CFI: variants seen among roughly 807,000 people sequenced by gnomAD.
The protein encoded by CFI is C3B/C4B inactivator.
A neutral mutation model predicts 78.8 loss-of-function variants in CFI; 66 were observed. The observed-to-expected ratio is 0.84, with a 90% CI of 0.69 to 1.03. The LOEUF (loss-of-function observed/expected upper bound fraction) is 1.03. Ranked by LOEUF, CFI falls within the 50% of genes least tolerant of loss-of-function variation. The pLI is 0.00. For missense variants in CFI, 706 were observed against 704.5 expected, an observed-to-expected ratio of 1.00 and a Z score of -0.02; for synonymous variants, 250 against 232.6, an observed-to-expected ratio of 1.07 and a Z score of -0.68.
chr4:109,745,829 AT>A (rs953566802), intron 11 of CFI, among the ~76,000 whole-genome samples: 66 of 152,086 alleles, frequency 4.3e-4, no homozygotes, highest in South Asian at 2.1e-3. Context: ...CTGTCTCTAT[AT>A]TTTTTTCTTG....
chr4:109,760,476 G>A, intron 5 of CFI, 47 bp downstream of exon 5: 3 of 1,482,866 alleles, frequency 2.0e-6, no homozygotes, highest in Non-Finnish European at 9.4e-7. Flanking sequence ...TCCTCTTTTA[G>A]TCAGAAAAAT....
intron 1 of CFI, among the ~76,000 whole-genome samples, chr4:109,775,570 G>C: frequency 6.6e-6 from 1 of 152,202 alleles, no homozygotes; most frequent in African/African-American, 2.4e-5. Context: ...CCACCTCTGG[G>C]GGCAGGGCAT....
At chr4:109,770,957 GA>G (rs1728509807) in intron 1 of CFI, among the ~76,000 whole-genome samples, 1 of 152,190 alleles carries the variant, frequency 6.6e-6, no homozygotes, top group African/African-American at 2.4e-5. Flanking sequence ...TGTTACTGAG[GA>G]ATCTGTTGTA....
chr4:109,741,175 C>T, intron 12 of CFI, 65 bp from the exon 13 acceptor site: 8 of 1,609,276 alleles, frequency 5.0e-6, no homozygotes, highest in Non-Finnish European at 6.8e-6. Flanking sequence ...TGCCATGCCT[C>T]CTCCATGGCA....
At position 109,783,818 on chromosome 4, in the gene CFI, T is replaced by C. The variant is rs1044172377; in HGVS notation, c.58-16994A>G. ...GAGTGGATAAAGAAACTGTGATATA[T>C]ATATATATATATATATGATGGAATA... On this transcript the variant is annotated intron_variant, in intron 1 of 12. Coordinates refer to ENST00000394634, the MANE Select transcript of CFI (RefSeq NM_000204.5). Among the ~76,000 whole-genome samples, 2 of 136,444 alleles carry C rather than the reference T, an allele frequency of 1.5e-5. 1 individual carries two copies. The highest frequency in any genetic ancestry group is 1.6e-4 in the Admixed American group (2 of 12,806). The allele number at this position is 136,444 out of a possible 152,430, so 89.5% of individuals were successfully genotyped here.
At chr4:109,734,600 G>A in the CFI span, among the ~76,000 whole-genome samples, 1 of 152,096 alleles carries the variant, frequency 6.6e-6, no homozygotes, top group Non-Finnish European at 1.5e-5. Context: ...TCAGGAGTTC[G>A]AGACCAGCCT....
chr4:109,801,250 G>A (rs1405512618), intron 1 of CFI, among the ~76,000 whole-genome samples: 2 of 152,148 alleles, frequency 1.3e-5, no homozygotes, highest in Non-Finnish European at 2.9e-5. Context: ...CTAGTGCATT[G>A]CTGCCTTCCT....
chr4:109,774,856 C>G (rs184199363), intron 1 of CFI, among the ~76,000 whole-genome samples: 1 of 152,050 alleles, frequency 6.6e-6, no homozygotes, highest in African/African-American at 2.4e-5. Context: ...ATAGTTTGTT[C>G]TTATTTCTCT....
intron 1 of CFI, among the ~76,000 whole-genome samples, chr4:109,768,092 T>G (rs1277644295): frequency 3.3e-5 from 4 of 121,250 alleles, no homozygotes; most frequent in African/African-American, 1.3e-4. Flanking sequence ...TGAGAACACA[T>G]GGACACAGGA....
intron 3 of CFI, among the ~76,000 whole-genome samples, chr4:109,763,254 A>T (rs1727308484): frequency 6.6e-6 from 1 of 152,026 alleles, no homozygotes; most frequent in Admixed American, 6.6e-5. Context: ...GGTTAATTAC[A>T]TTTTTTTCTA....
intron 7 of CFI, among the ~76,000 whole-genome samples, chr4:109,757,437 T>A (rs1726465243): frequency 6.6e-6 from 1 of 152,176 alleles, no homozygotes; most frequent in Non-Finnish European, 1.5e-5. Context: ...TGAAAAGATG[T>A]TATCTTTATT....
At chr4:109,776,788 A>G (rs1419885051) in intron 1 of CFI, among the ~76,000 whole-genome samples, 1 of 152,258 alleles carries the variant, frequency 6.6e-6, no homozygotes, top group Non-Finnish European at 1.5e-5. Flanking sequence ...CAGAAACTCT[A>G]CAAGCCAGAA....
the CFI span, among the ~76,000 whole-genome samples, chr4:109,733,581 AGTG>A: frequency 3.9e-5 from 6 of 152,150 alleles, no homozygotes; most frequent in Non-Finnish European, 5.9e-5. Flanking sequence ...AGGTGTGAAA[AGTG>A]GTCATATTCT....
intron 7 of CFI, among the ~76,000 whole-genome samples, chr4:109,754,007 G>A (rs964372622): frequency 2.7e-5 from 4 of 146,854 alleles, no homozygotes; most frequent in Non-Finnish European, 4.5e-5. Context: ...ATTTTGAGAC[G>A]GAGTCTCACT....
At chr4:109,734,720 C>T in the CFI span, among the ~76,000 whole-genome samples, 1 of 152,024 alleles carries the variant, frequency 6.6e-6, no homozygotes, top group Admixed American at 6.6e-5. Flanking sequence ...AGGAGAATTG[C>T]TTGAACCTAG....
At chr4:109,770,481 G>A (rs531695041) in intron 1 of CFI, among the ~76,000 whole-genome samples, 27 of 151,604 alleles carry the variant, frequency 1.8e-4, no homozygotes, top group African/African-American at 2.4e-5. Flanking sequence ...ACTTGAACCC[G>A]GGAGGTGGAG....
At chr4:109,738,856 G>A (rs761706615), downstream of CFI, among the ~76,000 whole-genome samples, 1 of 152,194 alleles carries the variant, frequency 6.6e-6, no homozygotes, top group Non-Finnish European at 1.5e-5. Context: ...GAGACTGGAA[G>A]GGGAACTTCC....
the CFI span, among the ~76,000 whole-genome samples, chr4:109,732,720 G>T: frequency 6.6e-6 from 1 of 151,994 alleles, no homozygotes; most frequent in Non-Finnish European, 1.5e-5. Flanking sequence ...AGCTGGGCAT[G>T]GTGGCGGGCA....
chr4:109,733,130 C>G, the CFI span, among the ~76,000 whole-genome samples: 1 of 152,150 alleles, frequency 6.6e-6, no homozygotes, highest in East Asian at 2.0e-4. Flanking sequence ...CGCCACCACA[C>G]CTGACTAATT....
Sources: allele counts gnomAD v4.1 joint callset (sites outside exome capture counted in the v4.1 genomes callset), GRCh38; gene constraint gnomAD v4.1.1; transcripts MANE v1.5; gene names NCBI Gene and HGNC (gene_info 2026-07-23, HGNC 2026-07-21).